AK7: variants seen among roughly 807,000 people sequenced by gnomAD.
AK7 encodes the protein ATP-AMP transphosphorylase 7.
Under a neutral mutation model 96.6 loss-of-function variants are expected in AK7, and 78 were observed. The ratio of observed to expected loss-of-function variants is 0.81; its 90% CI spans 0.67 to 0.97. AK7 has a LOEUF of 0.97. Among genes scored for constraint, AK7 ranks in the 50% least tolerant of loss-of-function variants. The pLI, the probability that AK7 is intolerant of heterozygous loss-of-function variation, is 0.00. For missense variants in AK7, 855 were observed against 887.9 expected, an observed-to-expected ratio of 0.96 and a Z score of 0.47; for synonymous variants, 302 against 317.2, an observed-to-expected ratio of 0.95 and a Z score of 0.51.
intron 2 of AK7, among the ~76,000 whole-genome samples, chr14:96,400,083 G>A (rs1012439172): frequency 8.3e-6 from 1 of 120,638 alleles, no homozygotes; most frequent in Non-Finnish European, 1.6e-5. Context: ...CTGTTGCCCA[G>A]ACTGAAGTGC....
chr14:96,453,617 C>G (rs1401286869), intron 10 of AK7, among the ~76,000 whole-genome samples: 1 of 152,194 alleles, frequency 6.6e-6, no homozygotes, highest in Non-Finnish European at 1.5e-5. Flanking sequence ...TCATCCTACT[C>G]CCCTTGTTCT....
intron 5 of AK7, among the ~76,000 whole-genome samples, chr14:96,428,021 TG>T (rs1892129085): frequency 6.6e-6 from 1 of 152,190 alleles, no homozygotes; most frequent in East Asian, 1.9e-4. Flanking sequence ...TGGGCAGGTT[TG>T]TTACATATGT....
intron 5 of AK7, among the ~76,000 whole-genome samples, chr14:96,431,505 G>A (rs529682849): frequency 2.3e-4 from 35 of 152,182 alleles, no homozygotes; most frequent in African/African-American, 6.0e-4. Flanking sequence ...TTATGCCTTC[G>A]TTTCGTTATT....
chr14:96,452,856 G>A (rs188543299), intron 10 of AK7, among the ~76,000 whole-genome samples: 20 of 152,238 alleles, frequency 1.3e-4, no homozygotes, highest in East Asian at 7.7e-4. Context: ...TAGAATGTCC[G>A]CATCTAACTG....
chr14:96,485,794 C>CT (rs758883552), intron 16 of AK7, among the ~76,000 whole-genome samples: 5,017 of 128,976 alleles, frequency 0.039, 239 homozygotes, highest in African/African-American at 0.092. Context: ...TCAGCTAGGA[C>CT]TTTTTTTTTT....
intron 12 of AK7, among the ~76,000 whole-genome samples, chr14:96,471,167 A>G (rs1323457926): frequency 2.6e-5 from 4 of 151,956 alleles, no homozygotes; most frequent in Non-Finnish European, 4.4e-5. Flanking sequence ...TCCTTTCTCT[A>G]CAAAACGTTT....
At chr14:96,463,912 G>A (rs1894412095) in intron 12 of AK7, among the ~76,000 whole-genome samples, 1 of 152,032 alleles carries the variant, frequency 6.6e-6, no homozygotes, top group Non-Finnish European at 1.5e-5. Flanking sequence ...CCGCCAAACA[G>A]TCTGTGTCTG....
chr14:96,396,043 C>T (rs1157418120), intron 1 of AK7, among the ~76,000 whole-genome samples: 3 of 151,920 alleles, frequency 2.0e-5, no homozygotes, highest in Non-Finnish European at 2.9e-5. Context: ...ATCTCCTGAC[C>T]TCGTGATCTG....
intron 3 of AK7, chr14:96,405,068 C>T (rs573605534): frequency 1.7e-4 from 52 of 303,298 alleles, no homozygotes; most frequent in African/African-American, 9.7e-4. Flanking sequence ...AAATGAAGGC[C>T]GGCACACTGA....
At chr14:96,474,446 T>TAAA (rs1170896129) in intron 14 of AK7, among the ~76,000 whole-genome samples, 4 of 101,456 alleles carry the variant, frequency 3.9e-5, no homozygotes, top group Admixed American at 3.2e-4. Flanking sequence ...TCATATCTAC[T>TAAA]AAAAAAAAAA....
intron 7 of AK7, among the ~76,000 whole-genome samples, chr14:96,445,516 C>T (rs940354973): frequency 2.0e-5 from 3 of 151,992 alleles, no homozygotes; most frequent in African/African-American, 7.2e-5. Flanking sequence ...AAAAATTAGT[C>T]GGGTTTGGTG....
At chr14:96,438,481 GA>G (rs1892774768) in intron 6 of AK7, among the ~76,000 whole-genome samples, 1 of 152,170 alleles carries the variant, frequency 6.6e-6, no homozygotes, top group African/African-American at 2.4e-5. Context: ...CGGCTTTCTG[GA>G]GAAAGACATC....
At chr14:96,408,025 T>C (rs74086457) in intron 3 of AK7, among the ~76,000 whole-genome samples, 14,104 of 152,254 alleles carry the variant, frequency 0.093, 728 homozygotes, top group African/African-American at 0.13. Context: ...CTCTCCTTTC[T>C]CTCCACCTCT....
chr14:96,419,940 C>T (rs1004715953), intron 4 of AK7, among the ~76,000 whole-genome samples: 8 of 151,732 alleles, frequency 5.3e-5, no homozygotes, highest in Admixed American at 3.9e-4. Flanking sequence ...AGGTGCCTGC[C>T]ACCACACCTG....
At chr14:96,472,004 C>T (rs1467414084) in intron 13 of AK7, among the ~76,000 whole-genome samples, 10 of 151,800 alleles carry the variant, frequency 6.6e-5, no homozygotes, top group Non-Finnish European at 1.2e-4. Context: ...TGTTTTTTCC[C>T]CTCCCCAGCC....
At chr14:96,474,487 G>A (rs945987087) in intron 14 of AK7, among the ~76,000 whole-genome samples, 5 of 151,232 alleles carry the variant, frequency 3.3e-5, no homozygotes, top group Non-Finnish European at 1.5e-5. Flanking sequence ...TTAGCTGGGG[G>A]TGGTGGCATG....
intron 4 of AK7, among the ~76,000 whole-genome samples, chr14:96,412,226 C>CTTTTTT (rs34331496): frequency 8.3e-6 from 1 of 121,016 alleles, no homozygotes; most frequent in African/African-American, 3.2e-5. Flanking sequence ...TTCTTTCTTT[C>CTTTTTT]TTTTTTTTTT....
At chr14:96,458,979 A>G (rs963480336) in intron 12 of AK7, among the ~76,000 whole-genome samples, 2 of 150,942 alleles carry the variant, frequency 1.3e-5, no homozygotes, top group Non-Finnish European at 2.9e-5. Context: ...AATCCTTCAT[A>G]ATCTCATTGT....
intron 6 of AK7, among the ~76,000 whole-genome samples, chr14:96,438,855 A>T (rs1470918088): frequency 6.6e-6 from 1 of 152,216 alleles, no homozygotes; most frequent in East Asian, 1.9e-4. Flanking sequence ...TGGTGGGGAT[A>T]CTGGAAACTG....
Sources: allele counts gnomAD v4.1 joint callset (sites outside exome capture counted in the v4.1 genomes callset), GRCh38; gene constraint gnomAD v4.1.1; transcripts MANE v1.5; gene names NCBI Gene and HGNC (gene_info 2026-07-23, HGNC 2026-07-21).